PLEKHH2: variants seen among roughly 807,000 people sequenced by gnomAD.
PLEKHH2 encodes pleckstrin homology, MyTH4 and FERM domain containing H2.
Under a neutral mutation model 187.9 loss-of-function variants are expected in PLEKHH2, and 129 were observed. The observed-to-expected ratio is 0.69, with a 90% CI of 0.59 to 0.79. PLEKHH2 has a LOEUF of 0.79. Among genes scored for constraint, PLEKHH2 ranks in the 30% least tolerant of loss-of-function variants. The pLI, the probability that PLEKHH2 is intolerant of heterozygous loss-of-function variation, is 0.00. For synonymous variants in PLEKHH2, 686 were observed against 605.6 expected, an observed-to-expected ratio of 1.13 and a Z score of -1.95; for missense variants, 2,076 against 1,751.2, an observed-to-expected ratio of 1.19 and a Z score of -3.31.
At chr2:43,699,241 C>G (rs1338495980) in intron 7 of PLEKHH2, among the ~76,000 whole-genome samples, 1 of 151,718 alleles carries the variant, frequency 6.6e-6, no homozygotes, top group Non-Finnish European at 1.5e-5. Context: ...TTTGTAAAAA[C>G]CAATTTGGAA....
intron 2 of PLEKHH2, 36 bp from the exon 3 acceptor site, chr2:43,678,827 T>C (rs758314040): frequency 1.3e-6 from 2 of 1,505,934 alleles, no homozygotes; most frequent in African/African-American, 1.4e-5. Context: ...TTTTCAAAAA[T>C]AAATTTTTGT....
chr2:43,644,780 A>G lies in PLEKHH2; in HGVS notation c.107A>G (p.Glu36Gly). The G allele has an allele frequency of 1.9e-6, 3 of 1,606,738 alleles. No homozygotes were observed. Among genetic ancestry groups the G allele is most frequent in the Non-Finnish European group, 2.6e-6 (3 of 1,175,956 alleles). ...KFRVQASKIR[E>G]LLAEKMQQLE... Reference sequence around the variant, plus strand: ...AGAGTTCAAGCAAGCAAGATACGAGAGCTTTTAGCAGAGAAGGTAAGCTTT... The same window carrying G: ...AGAGTTCAAGCAAGCAAGATACGAGGGCTTTTAGCAGAGAAGGTAAGCTTT... The change falls in exon 2 of 30, where the codon GAG becomes GGG. Residue 36 changes from glutamate to glycine, a missense_variant. By Grantham distance (98) the Glu-to-Gly change is moderately conservative. Coordinates refer to ENST00000282406, the MANE Select transcript of PLEKHH2 (RefSeq NM_172069.4).
intron 20 of PLEKHH2, among the ~76,000 whole-genome samples, chr2:43,740,531 G>C (rs759555145): frequency 6.6e-6 from 1 of 152,196 alleles, no homozygotes; most frequent in African/African-American, 2.4e-5. Flanking sequence ...AGATACATAC[G>C]TGTGTGTAGG....
At chr2:43,717,714 G>T (rs982613505) in intron 15 of PLEKHH2, among the ~76,000 whole-genome samples, 1 of 152,194 alleles carries the variant, frequency 6.6e-6, no homozygotes, top group African/African-American at 2.4e-5. Flanking sequence ...ACAAGTCCTG[G>T]CTCTGCCACT....
chr2:43,765,684 C>T lies in PLEKHH2; in HGVS notation c.*86C>T, dbSNP rs562434325. 28 of 1,299,890 alleles carry T rather than the reference C, an allele frequency of 2.2e-5. No individual in the cohort carries two copies. In the South Asian group the frequency reaches 2.3e-4, roughly 11 times the overall value. The allele number at this position is 1,299,890 out of a possible 1,614,324, so 80.5% of individuals were successfully genotyped here. A position where few individuals can be genotyped will look rare whatever the true frequency, so the allele number is the denominator to read the frequency against. On this transcript the variant is annotated 3_prime_UTR_variant, in exon 30 of 30. Transcript: ENST00000282406. The stretch of plus-strand genomic sequence containing the variant: ...ACAAGTTCGTTTACACCTGGCAGCA[C>T]GGCAGCCACACACCGGTATTCCAAA...
intron 1 of PLEKHH2, 76 bp downstream of exon 1, chr2:43,637,455 C>T (rs1168591628): frequency 3.9e-5 from 6 of 152,288 alleles, no homozygotes; most frequent in African/African-American, 7.2e-5. Context: ...GAGGGCGCCC[C>T]GTCCAGGGGG....
chr2:43,762,667 A>T (rs1315926005), intron 28 of PLEKHH2, among the ~76,000 whole-genome samples: 3 of 152,210 alleles, frequency 2.0e-5, no homozygotes, highest in African/African-American at 7.2e-5. Context: ...ATTATTTTTT[A>T]AAAGTGTTAA....
At position 43,680,905 on chromosome 2, in the gene PLEKHH2, C is replaced by T. The variant is rs552575406; in HGVS notation, c.186+1980C>T. On this transcript the variant is annotated intron_variant, in intron 3 of 29. Coordinates refer to ENST00000282406, the MANE Select transcript of PLEKHH2 (RefSeq NM_172069.4). ...TGACAAGTAGAATTTCTGTTTCTGC[C>T]TGGTTGAAATTTATGTCCAGGGCCA... 7 of 615,918 alleles carry T rather than the reference C, an allele frequency of 1.1e-5. No homozygotes were observed. The African/African-American group carries it at 1.3e-4, about 12-fold the overall frequency. The allele number at this position is 615,918 out of a possible 1,614,324, so 38.2% of individuals were successfully genotyped here. A position where few individuals can be genotyped will look rare whatever the true frequency, so the allele number is the denominator to read the frequency against.
intron 2 of PLEKHH2, among the ~76,000 whole-genome samples, chr2:43,659,829 G>A (rs1270398087): frequency 6.6e-6 from 1 of 152,124 alleles, no homozygotes; most frequent in Non-Finnish European, 1.5e-5. Context: ...AAAGTGCTGG[G>A]ATTACAGGTG....
chr2:43,669,316 G>A (rs189585074), intron 2 of PLEKHH2, among the ~76,000 whole-genome samples: 1 of 152,284 alleles, frequency 6.6e-6, no homozygotes, highest in East Asian at 1.9e-4. Flanking sequence ...CAAAGCAATG[G>A]GGGAATGACT....
intron 21 of PLEKHH2, 124 bp from the exon 22 acceptor site, chr2:43,742,617 A>C: frequency 1.5e-6 from 1 of 657,756 alleles, no homozygotes; most frequent in Non-Finnish European, 2.2e-6. Flanking sequence ...CATTCAAAAA[A>C]AGTTACTGTC....
chr2:43,712,793 A>G (rs558926184), intron 15 of PLEKHH2, among the ~76,000 whole-genome samples: 2 of 152,322 alleles, frequency 1.3e-5, no homozygotes, highest in African/African-American at 2.4e-5. Context: ...TCGAGGTTAG[A>G]AGGAATACAA....
chr2:43,669,713 T>C (rs186079308), intron 2 of PLEKHH2, among the ~76,000 whole-genome samples: 8 of 152,150 alleles, frequency 5.3e-5, no homozygotes, highest in Non-Finnish European at 7.4e-5. Flanking sequence ...GAAGAAACTT[T>C]TTTTTTTTTT....
intron 2 of PLEKHH2, among the ~76,000 whole-genome samples, chr2:43,647,490 A>G (rs561351494): frequency 1.3e-5 from 2 of 152,100 alleles, no homozygotes; most frequent in East Asian, 3.9e-4. Flanking sequence ...CTATCCACTC[A>G]TCCATTCTGT....
At chr2:43,765,302 TG>T in intron 29 of PLEKHH2, 110 bp from the exon 30 acceptor site, 1 of 969,652 alleles carries the variant, frequency 1.0e-6, no homozygotes, top group Non-Finnish European at 1.5e-6. Flanking sequence ...AAGGGAATTC[TG>T]GTAGCCTGGG....
chr2:43,685,735 C>T (rs944625130), intron 3 of PLEKHH2, among the ~76,000 whole-genome samples: 4 of 152,130 alleles, frequency 2.6e-5, no homozygotes, highest in African/African-American at 9.7e-5. Flanking sequence ...AGCCACCACC[C>T]ACGCCTGGCC....
intron 24 of PLEKHH2, among the ~76,000 whole-genome samples, chr2:43,749,865 T>C (rs1325346331): frequency 6.6e-6 from 1 of 152,244 alleles, no homozygotes; most frequent in Non-Finnish European, 1.5e-5. Context: ...ATATCAATTC[T>C]CTTTATCATG....
intron 6 of PLEKHH2, among the ~76,000 whole-genome samples, 190 bp from the exon 7 acceptor site, chr2:43,696,981 C>G (rs529678970): frequency 6.6e-6 from 1 of 152,234 alleles, no homozygotes; most frequent in Admixed American, 6.5e-5. Flanking sequence ...ATATGTAAAA[C>G]AGAATTTAAA....
chr2:43,712,253 T>G lies in PLEKHH2; in HGVS notation c.2330T>G (p.Leu777Arg), dbSNP rs776724225. The stretch of plus-strand genomic sequence containing the variant: ...ACCACTGAAAAACACACATACTATC[T>G]GACTGCAGATTCTCCCAATATATTG... ...QLTTEKHTYYLTADSPNILEE... is the reference protein window; with the variant it reads ...QLTTEKHTYYRTADSPNILEE... The change falls in exon 15 of 30, where the codon CTG becomes CGG. Residue 777 changes from leucine (L) to arginine (R), a missense_variant. Leu to Arg is a moderately radical substitution (Grantham distance 102, BLOSUM62 -2). Transcript: ENST00000282406. 2.5e-6 allele frequency: 4 copies of G among 1,613,612 alleles called. No individual in the cohort carries two copies. The South Asian group carries it at 4.4e-5, about 18-fold the overall frequency.
Sources: gnomAD v4.1 joint callset for allele counts (sites outside exome capture counted in the v4.1 genomes callset) on GRCh38, gnomAD v4.1.1 for gene constraint, MANE v1.5 for transcripts, NCBI Gene and HGNC (gene_info 2026-07-23, HGNC 2026-07-21) for gene names.